Variants in TMEM178B observed in about 807,000 individuals in gnomAD.
TMEM178B encodes the protein transmembrane protein 178B.
Under a neutral mutation model 31.0 loss-of-function variants are expected in TMEM178B, and 5 were observed. The observed-to-expected ratio is 0.16, with a 90% confidence interval of 0.08 to 0.34. TMEM178B has a LOEUF of 0.34. Among genes scored for constraint, TMEM178B ranks in the 10% least tolerant of loss-of-function variants. The probability of loss-of-function intolerance (pLI) is 1.00; values close to 1 mark genes in which losing one functional copy is unlikely to be tolerated. For synonymous variants in TMEM178B, 164 were observed against 164.0 expected (o/e 1.00, Z 0.00); for missense variants, 275 against 400.3 (o/e 0.69, Z 2.67).
chr7:141,189,340 C>T (rs1440641892), intron 1 of TMEM178B, among the ~76,000 whole-genome samples: 1 of 152,238 alleles, frequency 6.6e-6, no homozygotes, highest in Admixed American at 6.5e-5. Context: ...CCTTCCAGGG[C>T]ACTCTGGTGT....
the TMEM178B span, among the ~76,000 whole-genome samples, chr7:141,498,727 G>A: frequency 2.6e-5 from 4 of 152,168 alleles, no homozygotes; most frequent in Non-Finnish European, 2.9e-5. Context: ...GACAGCAGAC[G>A]CTTGCCACTA....
intron 3 of TMEM178B, 54 bp downstream of exon 3, chr7:141,437,799 C>T: frequency 2.0e-6 from 3 of 1,532,082 alleles, no homozygotes; most frequent in East Asian, 2.4e-5. Context: ...CTGTTTACCA[C>T]AATTTGGGGA....
chr7:141,256,260 G>C (rs1190601284), intron 2 of TMEM178B, among the ~76,000 whole-genome samples: 2 of 152,086 alleles, frequency 1.3e-5, no homozygotes, highest in Non-Finnish European at 2.9e-5. Flanking sequence ...ATTAAAAGAA[G>C]GGATAGGGCT....
At chr7:141,335,035 G>T (rs1052134023) in intron 2 of TMEM178B, among the ~76,000 whole-genome samples, 4 of 152,124 alleles carry the variant, frequency 2.6e-5, no homozygotes, top group African/African-American at 9.7e-5. Flanking sequence ...TTTCTCCTGG[G>T]GCTGCCAAAT....
rs555872023 is a variant in TMEM178B at position 141,392,413 on chromosome 7, T to C, written c.497-45195T>C. Among the ~76,000 whole-genome samples, 101 of 152,334 alleles carry C rather than the reference T, an allele frequency of 6.6e-4. 1 individual carries two copies. The highest frequency in any genetic ancestry group is 2.3e-3 in the African/African-American group (97 of 41,568). On this transcript the variant is annotated intron_variant, in intron 2 of 3. Coordinates refer to ENST00000565468, the MANE Select transcript of TMEM178B (RefSeq NM_001195278.2). ...TAACAAGTGCTAATATTTTGCCATA[T>C]TAACATCATCTTTCTCTCTTCCTCT...
At chr7:141,423,787 T>G (rs528352144) in intron 2 of TMEM178B, among the ~76,000 whole-genome samples, 1 of 151,814 alleles carries the variant, frequency 6.6e-6, no homozygotes, top group South Asian at 2.1e-4. Flanking sequence ...GTAAGAAGAT[T>G]TCTATAGTGA....
intron 1 of TMEM178B, among the ~76,000 whole-genome samples, chr7:141,160,193 A>C (rs777376982): frequency 6.6e-6 from 1 of 151,878 alleles, no homozygotes; most frequent in Non-Finnish European, 1.5e-5. Context: ...GTTGCCTTTT[A>C]TCCCTCACCC....
At position 141,461,102 on chromosome 7, in the gene TMEM178B, C is replaced by T. The variant is rs1234143430; in HGVS notation, c.635-9434C>T. 6.6e-6 allele frequency among the ~76,000 whole-genome samples: 1 copy of T among 152,144 alleles called. No individual in the cohort carries two copies. The highest frequency in any genetic ancestry group is 1.9e-4 in the East Asian group (1 of 5,190). ...TCATCTACTTCCCAGGACGGATGTG[C>T]CACTGTTGAAGGAGGAGGCCCTCTC... is the stretch of plus-strand genomic sequence containing the variant. On this transcript the variant is annotated intron_variant, in intron 3 of 3. Coordinates refer to ENST00000565468, the MANE Select transcript of TMEM178B (RefSeq NM_001195278.2). This position sits in a 1 kb window ranked among gnomAD's most constrained non-coding sequence, Gnocchi z 4.0.
chr7:141,385,854 T>A, intron 2 of TMEM178B, among the ~76,000 whole-genome samples: 1 of 152,042 alleles, frequency 6.6e-6, no homozygotes, highest in Non-Finnish European at 1.5e-5. Context: ...GAAGATAACT[T>A]CTTCTCTCTA....
intron 2 of TMEM178B, among the ~76,000 whole-genome samples, chr7:141,214,684 A>G (rs1797103158): frequency 6.6e-6 from 1 of 152,082 alleles, no homozygotes; most frequent in Non-Finnish European, 1.5e-5. Flanking sequence ...AAAGACAGAG[A>G]GGAGAGGATA....
At chr7:141,496,527 A>C in the TMEM178B span, among the ~76,000 whole-genome samples, 2 of 146,408 alleles carry the variant, frequency 1.4e-5, no homozygotes, top group African/African-American at 5.5e-5. Context: ...AAAATTAGCC[A>C]GGTGTAGTGG....
At chr7:141,373,584 C>T (rs1441640404) in intron 2 of TMEM178B, among the ~76,000 whole-genome samples, 1 of 152,182 alleles carries the variant, frequency 6.6e-6, no homozygotes, top group African/African-American at 2.4e-5. Flanking sequence ...TGCTCTAGAG[C>T]TTGGGTGGCC....
intron 1 of TMEM178B, among the ~76,000 whole-genome samples, chr7:141,147,876 T>C (rs1795880648): frequency 6.6e-6 from 1 of 152,102 alleles, no homozygotes; most frequent in Non-Finnish European, 1.5e-5. Context: ...AGATGGCAAT[T>C]GAAGCTAGGG....
At chr7:141,418,569 AC>A (rs2116647791) in intron 2 of TMEM178B, among the ~76,000 whole-genome samples, 1 of 152,034 alleles carries the variant, frequency 6.6e-6, no homozygotes, top group East Asian at 1.9e-4. Context: ...TTCCATGGTG[AC>A]CCTTATGCTA....
At chr7:141,437,197 G>T (rs1481106581) in intron 2 of TMEM178B, among the ~76,000 whole-genome samples, 1 of 152,220 alleles carries the variant, frequency 6.6e-6, no homozygotes, top group African/African-American at 2.4e-5. Flanking sequence ...TGGAAGCTGG[G>T]AGTGCTAGAC....
chr7:141,187,390 C>A (rs1156570360), intron 1 of TMEM178B, among the ~76,000 whole-genome samples: 1 of 151,980 alleles, frequency 6.6e-6, no homozygotes, highest in Admixed American at 6.5e-5. Flanking sequence ...TGAATAGTGC[C>A]GCTATAAACA....
In TMEM178B at chr7:141,475,329, T is replaced by G. The variant is rs1235202811; in HGVS notation, c.*4543T>G. On this transcript the variant is annotated 3_prime_UTR_variant, in exon 4 of 4. Coordinates refer to ENST00000565468, the MANE Select transcript of TMEM178B (RefSeq NM_001195278.2). ...TGGGGCTGTGTTTGCCCTCTTTTCA[T>G]TGATGCTGCCATGATGCAAAATGTT... The G allele has an allele frequency of 6.6e-6, 1 of 152,252 alleles. No individual in the cohort carries two copies. Among genetic ancestry groups the G allele is most frequent in the Non-Finnish European group, 1.5e-5 (1 of 68,044 alleles). The allele number at this position is 152,252 out of a possible 1,614,324, so 9.4% of individuals were successfully genotyped here.
At chr7:141,382,988 T>C (rs1404545245) in intron 2 of TMEM178B, among the ~76,000 whole-genome samples, 8 of 152,170 alleles carry the variant, frequency 5.3e-5, no homozygotes, top group Admixed American at 5.2e-4. Flanking sequence ...CCCAATCTCC[T>C]TGGAAATTTG....
chr7:141,459,761 C>A (rs931056619), intron 3 of TMEM178B, among the ~76,000 whole-genome samples: 3 of 152,126 alleles, frequency 2.0e-5, no homozygotes, highest in African/African-American at 7.2e-5. Flanking sequence ...CTGCCAATGT[C>A]CCCTTCCATT....
Sources: allele counts gnomAD v4.1 joint callset (sites outside exome capture counted in the v4.1 genomes callset), GRCh38; gene constraint gnomAD v4.1.1; non-coding constraint Gnocchi (gnomAD v3.1); transcripts MANE v1.5; gene names NCBI Gene and HGNC (gene_info 2026-07-23, HGNC 2026-07-21).